The following RPH3A variants were observed in gnomAD, a reference collection of about 807,000 sequenced individuals.
RPH3A encodes the protein rabphilin-3A.
Under a neutral mutation model 102.2 loss-of-function variants are expected in RPH3A, and 48 were observed. The observed-to-expected ratio is 0.47, with a 90% CI of 0.37 to 0.60. The LOEUF is 0.60. Ranked by LOEUF, RPH3A falls within the 20% of genes least tolerant of loss-of-function variation. The probability of loss-of-function intolerance (pLI) is 0.00; values close to 1 mark genes in which losing one functional copy is unlikely to be tolerated. For synonymous variants in RPH3A, 310 were observed against 324.3 expected (o/e 0.96, Z 0.47); for missense variants, 781 against 910.1 (o/e 0.86, Z 1.83).
intron 1 of RPH3A, among the ~76,000 whole-genome samples, chr12:112,648,679 A>G (rs2039951918): frequency 7.2e-6 from 1 of 138,520 alleles, no homozygotes; most frequent in African/African-American, 2.7e-5. Flanking sequence ...TGGGAGTTTC[A>G]GGCTGCAGTG....
intron 1 of RPH3A, among the ~76,000 whole-genome samples, chr12:112,660,214 A>C (rs1273745119): frequency 6.6e-6 from 1 of 152,182 alleles, no homozygotes; most frequent in East Asian, 1.9e-4. Context: ...TATATATATC[A>C]ATGTACATCA....
At chr12:112,869,639 T>C in intron 8 of RPH3A, 120 bp from the exon 9 acceptor site, 1 of 1,006,174 alleles carries the variant, frequency 9.9e-7, no homozygotes, top group Non-Finnish European at 1.5e-6. Context: ...GAAAGACTTT[T>C]AATTTTTAAA....
intron 1 of RPH3A, among the ~76,000 whole-genome samples, chr12:112,714,018 T>A (rs1253173523): frequency 6.6e-6 from 1 of 151,926 alleles, no homozygotes; most frequent in Non-Finnish European, 1.5e-5. Flanking sequence ...AATAGGAGGG[T>A]ACCCCCTCAT....
chr12:112,896,883 A>C lies in RPH3A; in HGVS notation c.*103A>C, dbSNP rs1593143066. On this transcript the variant is annotated 3_prime_UTR_variant, in exon 22 of 22. Coordinates refer to ENST00000389385, the MANE Select transcript of RPH3A (RefSeq NM_001143854.2). ...CTTCTCTATGCCTACCTCCCCCCATACCCTGCTGATCTCCCTGAGCCTGCC... is the reference window on the plus strand; with the variant it reads ...CTTCTCTATGCCTACCTCCCCCCATCCCCTGCTGATCTCCCTGAGCCTGCC... 3.1e-6 allele frequency: 4 copies of C among 1,284,400 alleles called. No individual in the cohort carries two copies. The highest frequency in any genetic ancestry group is 2.5e-5 in the East Asian group (1 of 40,502). The allele number at this position is 1,284,400 out of a possible 1,614,324, so 79.6% of individuals were successfully genotyped here.
rs188145026 is a variant in RPH3A at position 112,861,864 on chromosome 12, T to G, written c.231-3550T>G. ...CCGTCTCTACTAAAAATACAAAAAA[T>G]TAGCCAGGCGCGATGGTGGGCGCCT... On this transcript the variant is annotated intron_variant, in intron 5 of 21. Coordinates refer to ENST00000389385, the MANE Select transcript of RPH3A (RefSeq NM_001143854.2). Among the ~76,000 whole-genome samples the G allele has an allele frequency of 2.2e-3, 335 of 151,872 alleles. 1 individual carries two copies. The highest frequency in any genetic ancestry group is 7.2e-3 in the African/African-American group (297 of 41,402).
chr12:112,826,746 G>A (rs756274470), intron 2 of RPH3A, among the ~76,000 whole-genome samples: 4 of 152,146 alleles, frequency 2.6e-5, no homozygotes, highest in Non-Finnish European at 4.4e-5. Flanking sequence ...GTTCATCCAT[G>A]GTGTTACATG....
Position 112,727,458 on chromosome 12 carries a change from G to GACACACACACAC in RPH3A, c.-139-64663_-139-64652dup, listed in dbSNP as rs60493848. Among the ~76,000 whole-genome samples the GACACACACACAC allele has an allele frequency of 4.5e-3, 139 of 30,604 alleles. 4 individuals are homozygous for GACACACACACAC. Among genetic ancestry groups the GACACACACACAC allele is most frequent in the African/African-American group, 0.035 (136 of 3,900 alleles). The allele number at this position is 30,604 out of a possible 152,430, so 20.1% of individuals were successfully genotyped here. On this transcript the variant is annotated intron_variant, in intron 1 of 21. Transcript: ENST00000543106. ...ACACATACATACACACACAGACACA[G>GACACACACACAC]ACACACACACACACACACACACACA...
At chr12:112,751,617 C>T (rs2040786422) in intron 1 of RPH3A, among the ~76,000 whole-genome samples, 1 of 152,100 alleles carries the variant, frequency 6.6e-6, no homozygotes. Flanking sequence ...AGATAAATGC[C>T]TAAAAATATA....
intron 1 of RPH3A, among the ~76,000 whole-genome samples, chr12:112,747,525 G>A (rs887556917): frequency 1.8e-4 from 28 of 152,120 alleles, no homozygotes; most frequent in Non-Finnish European, 7.4e-5. Flanking sequence ...ACATTTCTAT[G>A]ACTATAACTT....
chr12:112,851,025 C>T (rs1382013253), intron 5 of RPH3A: 1 of 152,118 alleles, frequency 6.6e-6, no homozygotes, highest in Non-Finnish European at 1.5e-5. Context: ...GACATCAGCC[C>T]CATGATGCTG....
At chr12:112,784,901 C>A (rs944532034) in intron 1 of RPH3A, among the ~76,000 whole-genome samples, 22 of 152,352 alleles carry the variant, frequency 1.4e-4, no homozygotes, top group African/African-American at 4.6e-4. Flanking sequence ...TTGGTACTCA[C>A]TGGCTTAACT....
intron 2 of RPH3A, among the ~76,000 whole-genome samples, chr12:112,796,231 T>C (rs1250744540): frequency 6.6e-6 from 1 of 152,214 alleles, no homozygotes; most frequent in Non-Finnish European, 1.5e-5. Context: ...CTCAGTCTTT[T>C]GTTCCTTCAA....
chr12:112,686,174 G>C (rs1188855634), intron 1 of RPH3A, among the ~76,000 whole-genome samples: 1 of 152,076 alleles, frequency 6.6e-6, no homozygotes. Context: ...CCTCTGTGAT[G>C]ACTGTAAACT....
At chr12:112,896,528 G>A (rs2043181713) in intron 21 of RPH3A, 122 bp from the exon 22 acceptor site, 3 of 1,097,138 alleles carry the variant, frequency 2.7e-6, no homozygotes, top group Non-Finnish European at 4.0e-6. Flanking sequence ...ACTCTCTATA[G>A]AGTATGGATC....
chr12:112,754,950 G>T (rs1479445137), intron 1 of RPH3A, among the ~76,000 whole-genome samples: 2 of 152,170 alleles, frequency 1.3e-5, no homozygotes, highest in Non-Finnish European at 2.9e-5. Context: ...AAGCTTCCCA[G>T]GTGGTTCTGG....
chr12:112,818,094 C>T (rs1449289260), intron 2 of RPH3A, among the ~76,000 whole-genome samples: 3 of 151,948 alleles, frequency 2.0e-5, no homozygotes, highest in African/African-American at 7.3e-5. Flanking sequence ...GGGCAGATCA[C>T]GAGGTCAGGA....
At chr12:112,766,847 C>G (rs1305686582) in intron 1 of RPH3A, among the ~76,000 whole-genome samples, 1 of 152,130 alleles carries the variant, frequency 6.6e-6, no homozygotes, top group South Asian at 2.1e-4. Context: ...GTCTTTATAT[C>G]CAAAATTCAA....
intron 3 of RPH3A, 127 bp from the exon 4 acceptor site, chr12:112,836,364 A>G: frequency 2.3e-6 from 1 of 439,790 alleles, no homozygotes; most frequent in Non-Finnish European, 4.0e-6. Flanking sequence ...TGGCTGAAAC[A>G]AAATGGAAGT....
At chr12:112,663,414 A>G (rs2040063578) in intron 1 of RPH3A, among the ~76,000 whole-genome samples, 1 of 151,964 alleles carries the variant, frequency 6.6e-6, no homozygotes, top group African/African-American at 2.4e-5. Context: ...GGTTTTTGCC[A>G]TGTTGCCCAG....
Sources: gnomAD v4.1 joint callset for allele counts (sites outside exome capture counted in the v4.1 genomes callset) on GRCh38, gnomAD v4.1.1 for gene constraint, MANE v1.5 for transcripts, NCBI Gene and HGNC (gene_info 2026-07-23, HGNC 2026-07-21) for gene names.